Variants in CUX1 observed in about 807,000 individuals in gnomAD.
CUX1 encodes the protein protein CASP.
Under a neutral mutation model 158.8 loss-of-function variants are expected in CUX1, and 31 were observed. That is an observed-to-expected ratio of 0.20 (90% CI 0.15 to 0.26). The LOEUF is 0.26. Ranked by LOEUF, CUX1 falls within the 10% of genes least tolerant of loss-of-function variation. The probability of loss-of-function intolerance (pLI) is 1.00; values close to 1 mark genes in which losing one functional copy is unlikely to be tolerated. For missense variants in CUX1, 1,589 were observed against 2,014.6 expected, an observed-to-expected ratio of 0.79 and a Z score of 4.04; for synonymous variants, 879 against 862.1, an observed-to-expected ratio of 1.02 and a Z score of -0.34.
At chr7:101,981,941 G>C (rs1813501831) in intron 2 of CUX1, among the ~76,000 whole-genome samples, 1 of 152,142 alleles carries the variant, frequency 6.6e-6, no homozygotes, top group South Asian at 2.1e-4. Flanking sequence ...ATAAAACCAG[G>C]GAGGTTTCGC....
intron 8 of CUX1, among the ~76,000 whole-genome samples, chr7:102,133,309 T>G (rs1286479125): frequency 6.6e-6 from 1 of 152,000 alleles, no homozygotes; most frequent in Non-Finnish European, 1.5e-5. Context: ...CTACCTTTCC[T>G]GACAAGCTGA....
intron 1 of CUX1, among the ~76,000 whole-genome samples, chr7:101,864,272 C>T (rs1290914852): frequency 4.6e-5 from 7 of 151,690 alleles, no homozygotes; most frequent in Admixed American, 4.6e-4. Context: ...TCAATCCATC[C>T]ACCTCAGCCT....
At chr7:101,968,781 CAG>C (rs1177448825) in intron 2 of CUX1, among the ~76,000 whole-genome samples, 3 of 152,078 alleles carry the variant, frequency 2.0e-5, no homozygotes, top group Non-Finnish European at 4.4e-5. Context: ...GGGTGGGAGA[CAG>C]GGGAGAGTTG....
intron 2 of CUX1, among the ~76,000 whole-genome samples, chr7:101,984,089 A>AAAATAT (rs1221503978): frequency 1.0e-4 from 3 of 29,838 alleles, no homozygotes; most frequent in East Asian, 6.7e-4. Flanking sequence ...AAAAAAAAAA[A>AAAATAT]ATATATATAT....
rs782576331 is a variant in CUX1 at position 102,202,078 on chromosome 7, C to A, written c.2781C>A (p.Val927=). The A allele has an allele frequency of 3.1e-6, 5 of 1,614,114 alleles. No homozygotes were observed. The highest frequency in any genetic ancestry group is 4.2e-6 in the Non-Finnish European group (5 of 1,180,008). ...VPMSKPTKPS[V]PPLTPEQYEV... is the part of the protein sequence containing the mutation. The stretch of plus-strand genomic sequence containing the variant: ...TGTCCAAGCCCACCAAGCCCTCGGT[C>A]CCCCCGCTGACCCCCGAGCAGTACG... Residue 927 remains valine, a synonymous_variant, in exon 18 of 24, where the codon GTC becomes GTA. Coordinates refer to ENST00000292535, the MANE Select transcript of CUX1 (RefSeq NM_181552.4).
intron 2 of CUX1, among the ~76,000 whole-genome samples, chr7:101,930,942 C>A (rs1563024796): frequency 6.6e-6 from 1 of 152,130 alleles, no homozygotes; most frequent in African/African-American, 2.4e-5. Context: ...ACTAAAAATA[C>A]AAAAATTAGC....
intron 1 of CUX1, among the ~76,000 whole-genome samples, chr7:101,879,157 T>C (rs879514144): frequency 7.2e-5 from 11 of 152,228 alleles, no homozygotes; most frequent in Admixed American, 4.6e-4. Flanking sequence ...TTGAGGACAC[T>C]GTTCCCTGCA....
intron 1 of CUX1, among the ~76,000 whole-genome samples, chr7:101,881,338 T>A (rs574603341): frequency 6.6e-6 from 1 of 152,260 alleles, no homozygotes; most frequent in African/African-American, 2.4e-5. Flanking sequence ...TCTCTGTGAG[T>A]CTGACACCGT....
chr7:102,127,124 CCTG>C (rs1668461941), intron 8 of CUX1, among the ~76,000 whole-genome samples: 1 of 152,248 alleles, frequency 6.6e-6, no homozygotes, highest in African/African-American at 2.4e-5. Context: ...CAGCGCATCT[CCTG>C]CTGTGCGGCC....
At chr7:101,972,744 A>T (rs572596387) in intron 2 of CUX1, among the ~76,000 whole-genome samples, 2 of 152,198 alleles carry the variant, frequency 1.3e-5, no homozygotes, top group African/African-American at 2.4e-5. Flanking sequence ...CCAGGCCGCC[A>T]TGGTGGGTGG....
intron 3 of CUX1, among the ~76,000 whole-genome samples, chr7:102,030,821 C>T (rs778845269): frequency 8.6e-5 from 13 of 151,448 alleles, no homozygotes; most frequent in Middle Eastern, 6.8e-3. Context: ...CTGCCCCCAC[C>T]GCCAGATAGC....
chr7:102,083,489 A>C (rs893107704), intron 4 of CUX1, among the ~76,000 whole-genome samples: 1 of 146,436 alleles, frequency 6.8e-6, no homozygotes, highest in African/African-American at 2.4e-5. Context: ...TGTTTTTTCT[A>C]GACATGAGGT....
intron 2 of CUX1, among the ~76,000 whole-genome samples, chr7:102,016,476 T>C (rs1353191834): frequency 1.3e-5 from 2 of 152,182 alleles, no homozygotes; most frequent in Non-Finnish European, 2.9e-5. Context: ...TAAATGGAAG[T>C]CACGTGCCTC....
At chr7:102,176,342 A>C (rs546132742) in intron 10 of CUX1, among the ~76,000 whole-genome samples, 1 of 152,296 alleles carries the variant, frequency 6.6e-6, no homozygotes, top group East Asian at 1.9e-4. Flanking sequence ...CTTTCCCCAC[A>C]ATACAAGCAA....
chr7:102,252,948 A>C lies in CUX1; in HGVS notation c.*3906A>C, dbSNP rs905622056. ...GATTGGGGTGACAGCCCAGGGATGC[A>C]TGCATGGGAGAACTCTCTGAGAAAT... On this transcript the variant is annotated 3_prime_UTR_variant, in exon 24 of 24. Coordinates refer to ENST00000292535, the MANE Select transcript of CUX1 (RefSeq NM_181552.4). 4.1e-6 allele frequency: 4 copies of C among 985,456 alleles called. No homozygotes were observed. In the South Asian group the frequency reaches 1.4e-4, roughly 35 times the overall value. 61.0% of individuals were successfully genotyped at this position (985,456 alleles called of 1,614,324 possible). A position where few individuals can be genotyped will look rare whatever the true frequency, so the allele number is the denominator to read the frequency against.
downstream of CUX1, among the ~76,000 whole-genome samples, chr7:102,260,789 T>A (rs1362218427): frequency 1.3e-5 from 2 of 151,800 alleles, no homozygotes; most frequent in Non-Finnish European, 2.9e-5. Context: ...GACGTGATGA[T>A]GAGATATATT....
At chr7:101,855,756 T>A (rs1208116585) in intron 1 of CUX1, among the ~76,000 whole-genome samples, 1 of 151,398 alleles carries the variant, frequency 6.6e-6, no homozygotes, top group Non-Finnish European at 1.5e-5. Flanking sequence ...CAGACGCCTG[T>A]AATCCCAGCT....
chr7:101,854,003 G>A (rs894943851), intron 1 of CUX1, among the ~76,000 whole-genome samples: 1 of 152,214 alleles, frequency 6.6e-6, no homozygotes, highest in African/African-American at 2.4e-5. Context: ...CTTGAGGCTT[G>A]TCTGGAAAGG....
intron 1 of CUX1, among the ~76,000 whole-genome samples, chr7:101,894,382 C>T (rs537050526): frequency 1.1e-3 from 166 of 152,260 alleles, no homozygotes; most frequent in African/African-American, 3.7e-3. Context: ...GGCACGATCT[C>T]GGCTCACTGC....
Sources: allele counts gnomAD v4.1 joint callset (sites outside exome capture counted in the v4.1 genomes callset), GRCh38; gene constraint gnomAD v4.1.1; transcripts MANE v1.5; gene names NCBI Gene and HGNC (gene_info 2026-07-23, HGNC 2026-07-21).